CHST8: variants seen among roughly 807,000 people sequenced by gnomAD.
CHST8 encodes GALNAC-4-ST1.
In CHST8, 10 loss-of-function variants were observed where a neutral mutation model predicts 15.0. The observed-to-expected ratio is 0.67, with a 90% CI of 0.41 to 1.13. The LOEUF (loss-of-function observed/expected upper bound fraction) is 1.13. CHST8 is among the 50% of genes most tolerant of loss of function. The pLI is 0.00. For missense variants in CHST8, 634 were observed against 608.2 expected (o/e 1.04, Z -0.45); for synonymous variants, 259 against 256.6 (o/e 1.01, Z -0.09).
chr19:33,652,732 T>C (rs1465838498), intron 1 of CHST8, among the ~76,000 whole-genome samples: 2 of 152,160 alleles, frequency 1.3e-5, no homozygotes, highest in Non-Finnish European at 2.9e-5. Flanking sequence ...TGCTTTTTCA[T>C]TGTTTCTTTT....
chr19:33,665,588 T>A (rs192367218), intron 1 of CHST8, among the ~76,000 whole-genome samples: 1 of 152,220 alleles, frequency 6.6e-6, no homozygotes, highest in African/African-American at 2.4e-5. Context: ...TGTTGGACAT[T>A]TAATCAGAAC....
At chr19:33,683,827 C>T (rs757468201) in intron 2 of CHST8, among the ~76,000 whole-genome samples, 3 of 152,158 alleles carry the variant, frequency 2.0e-5, no homozygotes, top group Non-Finnish European at 2.9e-5. Flanking sequence ...GCTGTCACCG[C>T]GATGGTGCTC....
intron 2 of CHST8, among the ~76,000 whole-genome samples, chr19:33,688,430 G>A (rs1454401977): frequency 1.3e-5 from 2 of 152,160 alleles, no homozygotes; most frequent in Non-Finnish European, 2.9e-5. Flanking sequence ...CAGCCTCTGC[G>A]CCTCTGAGCT....
intron 3 of CHST8, among the ~76,000 whole-genome samples, chr19:33,731,666 A>T (rs926356026): frequency 1.3e-5 from 2 of 152,080 alleles, no homozygotes; most frequent in African/African-American, 4.8e-5. Context: ...GCCTTATTTT[A>T]CCCAGTATCT....
At chr19:33,765,329 T>C (rs1227620026) in intron 3 of CHST8, among the ~76,000 whole-genome samples, 1 of 151,968 alleles carries the variant, frequency 6.6e-6, no homozygotes, top group Non-Finnish European at 1.5e-5. Flanking sequence ...GCTGGCACCT[T>C]CATTTCAGAC....
At position 33,695,801 on chromosome 19, in the gene CHST8, T is replaced by TTTTCTTTCTTTCTTTC. The variant is rs748705602; in HGVS notation, c.130+6418_130+6433dup. Reference sequence around the variant, plus strand: ...ATGGTGTATATATACCACATTTTCTTTTTCTTTCTTTCTTTCTTTCTTTTT... The same window carrying TTTTCTTTCTTTCTTTC: ...ATGGTGTATATATACCACATTTTCTTTTTCTTTCTTTCTTTCTTTCTTTCTTTCTTTCTTTCTTTTT... On this transcript the variant is annotated intron_variant, in intron 3 of 4. Coordinates refer to ENST00000650847, the MANE Select transcript of CHST8 (RefSeq NM_001127895.2). 1.0e-3 allele frequency among the ~76,000 whole-genome samples: 132 copies of TTTTCTTTCTTTCTTTC among 130,362 alleles called. 3 individuals are homozygous for TTTTCTTTCTTTCTTTC. The highest frequency in any genetic ancestry group is 1.5e-3 in the South Asian group (6 of 3,916). 85.5% of individuals were successfully genotyped at this position (130,362 alleles called of 152,430 possible). A position where few individuals can be genotyped will look rare whatever the true frequency, so the allele number is the denominator to read the frequency against.
At chr19:33,688,317 G>A (rs1283200543) in intron 2 of CHST8, among the ~76,000 whole-genome samples, 1 of 152,214 alleles carries the variant, frequency 6.6e-6, no homozygotes, top group Non-Finnish European at 1.5e-5. Flanking sequence ...CTGCCCTCTA[G>A]GAGGAAGCGG....
intron 3 of CHST8, among the ~76,000 whole-genome samples, chr19:33,702,890 G>T (rs1973370513): frequency 6.6e-6 from 1 of 152,212 alleles, no homozygotes; most frequent in Admixed American, 6.5e-5. Context: ...TGGAGTGCTG[G>T]GACTGCTCCG....
chr19:33,719,188 T>A (rs1973729779), intron 3 of CHST8, among the ~76,000 whole-genome samples: 1 of 151,450 alleles, frequency 6.6e-6, no homozygotes, highest in Non-Finnish European at 1.5e-5. Context: ...GCTGCTGAAA[T>A]GTTTTGTAAA....
At chr19:33,737,454 G>T (rs1974109101) in intron 3 of CHST8, among the ~76,000 whole-genome samples, 2 of 152,190 alleles carry the variant, frequency 1.3e-5, no homozygotes, top group Non-Finnish European at 1.5e-5. Context: ...GGTGACCAGG[G>T]CTAAGCGTTC....
intron 1 of CHST8, among the ~76,000 whole-genome samples, chr19:33,639,909 G>A (rs1490800423): frequency 3.3e-5 from 5 of 150,566 alleles, no homozygotes; most frequent in African/African-American, 4.9e-5. Flanking sequence ...GCGCGATCTC[G>A]GCTTACTGCA....
chr19:33,710,872 G>GGTTTTTTTTT (rs397802097), intron 3 of CHST8, among the ~76,000 whole-genome samples: 1 of 138,624 alleles, frequency 7.2e-6, no homozygotes, highest in South Asian at 2.4e-4. Flanking sequence ...AATTTCTGGA[G>GGTTTTTTTTT]TTTTTTTTTT....
chr19:33,696,824 A>G (rs887899001), intron 3 of CHST8, among the ~76,000 whole-genome samples: 2 of 151,588 alleles, frequency 1.3e-5, no homozygotes, highest in Non-Finnish European at 1.5e-5. Context: ...CATCCATGCC[A>G]ACATTATTGT....
chr19:33,749,103 G>A (rs1288873196), intron 3 of CHST8, among the ~76,000 whole-genome samples: 1 of 152,152 alleles, frequency 6.6e-6, no homozygotes, highest in Non-Finnish European at 1.5e-5. Flanking sequence ...GGGTGTGCAT[G>A]CCCCAGGGAT....
At chr19:33,681,150 C>G (rs1230245538) in intron 2 of CHST8, among the ~76,000 whole-genome samples, 1 of 152,156 alleles carries the variant, frequency 6.6e-6, no homozygotes, top group African/African-American at 2.4e-5. Context: ...TAGATTTCTG[C>G]CTTGAAACGA....
intron 1 of CHST8, among the ~76,000 whole-genome samples, chr19:33,643,051 G>A (rs1972304080): frequency 6.6e-6 from 1 of 152,086 alleles, no homozygotes; most frequent in Non-Finnish European, 1.5e-5. Context: ...AAAGCATGTT[G>A]ACATGAACCT....
intron 3 of CHST8, among the ~76,000 whole-genome samples, chr19:33,747,820 T>C (rs150565052): frequency 0.021 from 3,204 of 152,322 alleles, 56 homozygotes; most frequent in Non-Finnish European, 0.027. Context: ...TAAGGAAGGC[T>C]TTTAAGCTTT....
chr19:33,635,651 C>T (rs1164391569), intron 1 of CHST8, among the ~76,000 whole-genome samples: 1 of 152,094 alleles, frequency 6.6e-6, no homozygotes, highest in South Asian at 2.1e-4. Context: ...GCATGAGCTC[C>T]GTCCCTGAGG....
intron 1 of CHST8, among the ~76,000 whole-genome samples, chr19:33,664,097 G>A (rs1972620171): frequency 6.6e-6 from 1 of 152,180 alleles, no homozygotes; most frequent in Non-Finnish European, 1.5e-5. Flanking sequence ...GCCAATGATC[G>A]CAGTTCGGAG....
Sources: gnomAD v4.1 joint callset for allele counts (sites outside exome capture counted in the v4.1 genomes callset) on GRCh38, gnomAD v4.1.1 for gene constraint, MANE v1.5 for transcripts, NCBI Gene and HGNC (gene_info 2026-07-23, HGNC 2026-07-21) for gene names.